The following CDKAL1 variants were observed in gnomAD, a reference collection of about 807,000 sequenced individuals.
CDKAL1 encodes CDKAL1 threonylcarbamoyladenosine tRNA methylthiotransferase, also known as threonylcarbamoyladenosine tRNA methylthiotransferase.
A neutral mutation model predicts 68.2 loss-of-function variants in CDKAL1; 32 were observed. The ratio of observed to expected loss-of-function variants is 0.47; its 90% confidence interval spans 0.35 to 0.63. The LOEUF (loss-of-function observed/expected upper bound fraction) is 0.63, where lower values mean the gene tolerates loss of function less well. Ranked by LOEUF, CDKAL1 falls within the 30% of genes least tolerant of loss-of-function variation. CDKAL1 has a pLI of 0.00. For synonymous variants in CDKAL1, 234 were observed against 244.3 expected (o/e 0.96, Z 0.39); for missense variants, 606 against 696.7 (o/e 0.87, Z 1.47).
intron 5 of CDKAL1, among the ~76,000 whole-genome samples, chr6:20,659,570 T>G (rs1201440093): frequency 6.6e-6 from 1 of 152,228 alleles, no homozygotes; most frequent in Admixed American, 6.5e-5. Flanking sequence ...ATTTACATTT[T>G]CCTATCATTT....
intron 11 of CDKAL1, among the ~76,000 whole-genome samples, chr6:21,002,117 C>G (rs1233690360): frequency 6.6e-6 from 1 of 152,164 alleles, no homozygotes; most frequent in Non-Finnish European, 1.5e-5. Context: ...TCTGTTCCAT[C>G]TTGGACAGTT....
chr6:21,169,584 T>C lies in CDKAL1; in HGVS notation c.1300-28437T>C, dbSNP rs948302764. 2.0e-5 allele frequency among the ~76,000 whole-genome samples: 3 copies of C among 152,228 alleles called. No individual in the cohort carries two copies. In the East Asian group the frequency reaches 5.8e-4, roughly 29 times the overall value. ...CCGGGAGGGAGAGGTTGCAATGAGC[T>C]GAGATCGCACCACTACACCCCAGCC... On this transcript the variant is annotated intron_variant, in intron 13 of 15. Transcript: ENST00000274695.
At chr6:21,194,005 C>T (rs755132216) in intron 13 of CDKAL1, among the ~76,000 whole-genome samples, 3 of 152,190 alleles carry the variant, frequency 2.0e-5, no homozygotes, top group Admixed American at 6.5e-5. Flanking sequence ...AGGGCTTCAA[C>T]TCAGCAGAAA....
chr6:20,632,779 G>A (rs555667679), intron 4 of CDKAL1, among the ~76,000 whole-genome samples: 4 of 152,170 alleles, frequency 2.6e-5, no homozygotes, highest in Non-Finnish European at 5.9e-5. Flanking sequence ...CTTAAAGATT[G>A]CTTAGTTCAT....
chr6:20,657,400 T>C (rs1031758199), intron 5 of CDKAL1, among the ~76,000 whole-genome samples: 1 of 152,206 alleles, frequency 6.6e-6, no homozygotes, highest in African/African-American at 2.4e-5. Context: ...TAACCTGGAC[T>C]CTTTACCCAT....
intron 12 of CDKAL1, among the ~76,000 whole-genome samples, chr6:21,095,732 C>T (rs1255277801): frequency 6.6e-6 from 1 of 152,052 alleles, no homozygotes; most frequent in East Asian, 1.9e-4. Context: ...CAACTGATTT[C>T]TGAAGTGACA....
At chr6:20,578,974 T>C (rs1163286565) in intron 4 of CDKAL1, among the ~76,000 whole-genome samples, 3 of 152,180 alleles carry the variant, frequency 2.0e-5, no homozygotes, top group East Asian at 1.9e-4. Context: ...ATTCGTCTTA[T>C]ACAATCTGTG....
intron 5 of CDKAL1, among the ~76,000 whole-genome samples, chr6:20,689,316 G>A (rs1286288477): frequency 6.6e-6 from 1 of 152,104 alleles, no homozygotes; most frequent in Non-Finnish European, 1.5e-5. Flanking sequence ...TGTCCACACT[G>A]AGCCTCCAGC....
At chr6:20,610,323 T>C (rs1766562798) in intron 4 of CDKAL1, among the ~76,000 whole-genome samples, 1 of 152,146 alleles carries the variant, frequency 6.6e-6, no homozygotes, top group African/African-American at 2.4e-5. Flanking sequence ...TTGAATGGTA[T>C]TTCTGTCTTT....
At chr6:21,112,754 T>G (rs1774187316) in intron 13 of CDKAL1, among the ~76,000 whole-genome samples, 1 of 152,178 alleles carries the variant, frequency 6.6e-6, no homozygotes, top group Admixed American at 6.5e-5. Flanking sequence ...AAACTAACAT[T>G]AGTGCTTTAC....
At chr6:20,592,851 C>T (rs1357965682) in intron 4 of CDKAL1, among the ~76,000 whole-genome samples, 1 of 152,052 alleles carries the variant, frequency 6.6e-6, no homozygotes, top group East Asian at 1.9e-4. Flanking sequence ...CCATCAATAC[C>T]TAGTTTATTG....
chr6:21,105,027 T>C (rs1339095930), intron 12 of CDKAL1, among the ~76,000 whole-genome samples: 2 of 152,224 alleles, frequency 1.3e-5, no homozygotes, highest in African/African-American at 2.4e-5. Context: ...TAATTTCCTT[T>C]CTAAAAATAT....
chr6:20,706,360 C>T (rs531594783), intron 5 of CDKAL1, among the ~76,000 whole-genome samples: 4 of 152,264 alleles, frequency 2.6e-5, no homozygotes, highest in Non-Finnish European at 5.9e-5. Flanking sequence ...CTTTTCTTTA[C>T]TTTAGGCTTC....
intron 13 of CDKAL1, among the ~76,000 whole-genome samples, chr6:21,183,809 T>C (rs1777896349): frequency 6.6e-6 from 1 of 152,200 alleles, no homozygotes; most frequent in Non-Finnish European, 1.5e-5. Flanking sequence ...GTTATTAATC[T>C]GAAGACAACT....
chr6:20,973,027 G>A (rs923070781), intron 10 of CDKAL1, among the ~76,000 whole-genome samples: 4 of 151,016 alleles, frequency 2.6e-5, no homozygotes, highest in African/African-American at 9.8e-5. Flanking sequence ...GCAGTGAGCC[G>A]AGATCGCGTC....
intron 12 of CDKAL1, among the ~76,000 whole-genome samples, chr6:21,086,606 G>T (rs1413368018): frequency 6.6e-6 from 1 of 152,086 alleles, no homozygotes; most frequent in Non-Finnish European, 1.5e-5. Context: ...TCAGAGTCTG[G>T]CACTGAGTCT....
At chr6:20,541,993 T>C (rs971207978) in intron 2 of CDKAL1, among the ~76,000 whole-genome samples, 4 of 152,258 alleles carry the variant, frequency 2.6e-5, no homozygotes, top group Admixed American at 2.0e-4. Context: ...GTGGTACGTA[T>C]GTTAACTATA....
chr6:20,938,245 A>C (rs894727915), intron 9 of CDKAL1, among the ~76,000 whole-genome samples: 1 of 152,132 alleles, frequency 6.6e-6, no homozygotes. Flanking sequence ...ATTTGCCCTC[A>C]TAATTTTTTT....
chr6:20,630,435 G>C (rs759450354), intron 4 of CDKAL1, among the ~76,000 whole-genome samples: 2 of 152,050 alleles, frequency 1.3e-5, no homozygotes, highest in Non-Finnish European at 2.9e-5. Flanking sequence ...AGAAGGGTAG[G>C]GAGGTAAAAG....
Sources: gnomAD v4.1 joint callset for allele counts (sites outside exome capture counted in the v4.1 genomes callset) on GRCh38, gnomAD v4.1.1 for gene constraint, MANE v1.5 for transcripts, NCBI Gene and HGNC (gene_info 2026-07-23, HGNC 2026-07-21) for gene names.